Variants in OSBPL3 observed in about 807,000 individuals in gnomAD.
The protein encoded by OSBPL3 is oxysterol binding protein like 3, also known as oxysterol-binding protein-related protein 3.
In OSBPL3, 65 loss-of-function variants were observed where a neutral mutation model predicts 120.1. The ratio of observed to expected loss-of-function variants is 0.54; its 90% CI spans 0.44 to 0.67. The LOEUF is 0.67. Ranked by LOEUF, OSBPL3 falls within the 30% of genes least tolerant of loss-of-function variation. The probability of loss-of-function intolerance (pLI) is 0.00; values close to 1 mark genes in which losing one functional copy is unlikely to be tolerated. For synonymous variants in OSBPL3, 416 were observed against 402.6 expected (o/e 1.03, Z -0.40); for missense variants, 1,004 against 1,082.1 (o/e 0.93, Z 1.01).
intron 1 of OSBPL3, among the ~76,000 whole-genome samples, chr7:24,923,982 A>G (rs1810727342): frequency 6.6e-6 from 1 of 152,240 alleles, no homozygotes; most frequent in African/African-American, 2.4e-5. Flanking sequence ...TTTGACACAT[A>G]TTGTGGATAA....
At position 24,898,924 on chromosome 7, in the gene OSBPL3, C is replaced by T. The variant is rs1806573736; in HGVS notation, c.-149-6303G>A. On this transcript the variant is annotated intron_variant, in intron 1 of 22. Transcript: ENST00000313367. The surrounding 1 kb of genome is among the most constrained non-coding windows in gnomAD (Gnocchi z 4.3). ...TAAAAATCTATTCTAGACAGTTTGT[C>T]ATCATTTAGAGCTGAAATAATGACT... Among the ~76,000 whole-genome samples the T allele has an allele frequency of 6.6e-6, 1 of 152,178 alleles. No homozygotes were observed. Among genetic ancestry groups the T allele is most frequent in the South Asian group, 2.1e-4 (1 of 4,824 alleles).
intron 1 of OSBPL3, among the ~76,000 whole-genome samples, chr7:24,944,325 C>T (rs1406798663): frequency 2.0e-5 from 3 of 152,036 alleles, no homozygotes; most frequent in Non-Finnish European, 4.4e-5. Context: ...GAAGAAACTC[C>T]AAGTGTTAAA....
chr7:24,897,034 T>C (rs1184752552), intron 1 of OSBPL3, among the ~76,000 whole-genome samples: 1 of 144,834 alleles, frequency 6.9e-6, no homozygotes, highest in Non-Finnish European at 1.5e-5. Flanking sequence ...ATTGCACCAC[T>C]GCACTCCAGC....
chr7:24,944,354 C>T (rs1038942988), intron 1 of OSBPL3, among the ~76,000 whole-genome samples: 1 of 151,618 alleles, frequency 6.6e-6, no homozygotes, highest in South Asian at 2.1e-4. Context: ...GGTGGCCGGG[C>T]GCGGTGGCTC....
At position 24,866,134 on chromosome 7, in the gene OSBPL3, AAGT is replaced by A. The variant is rs1801284087; in HGVS notation, c.482_484del (p.His161_Phe162delinsLeu). The A allele has an allele frequency of 1.2e-6, 2 of 1,613,832 alleles. No homozygotes were observed. The highest frequency in any genetic ancestry group is 1.3e-5 in the African/African-American group (1 of 75,040). ...GTCTGTGATGGTGGACCCTGAGAAA[AAGT>A]GGTTAACTTCATGTGGAAACATGGC... On this transcript the variant is annotated inframe_deletion, in exon 6 of 23. Transcript: ENST00000313367.
chr7:24,815,300 A>ATGAC lies in OSBPL3; in HGVS notation c.2028-98_2028-97insGTCA. 1.1e-6 allele frequency: 1 copy of ATGAC among 905,672 alleles called. No homozygotes were observed. Among genetic ancestry groups the ATGAC allele is most frequent in the Non-Finnish European group, 1.7e-6 (1 of 572,458 alleles). The allele number at this position is 905,672 out of a possible 1,614,324, so 56.1% of individuals were successfully genotyped here. ...TTTTATAAAATAAGTCATGCAATGC[A>ATGAC]TTATTCATCTCTTTATTCACAGAAG... On this transcript the variant is annotated intron_variant, in intron 18 of 22. Transcript: ENST00000313367. This position sits in a 1 kb window ranked among gnomAD's most constrained non-coding sequence, Gnocchi z 5.1.
At chr7:24,845,832 G>A (rs1798383628) in intron 12 of OSBPL3, among the ~76,000 whole-genome samples, 1 of 152,250 alleles carries the variant, frequency 6.6e-6, no homozygotes, top group East Asian at 1.9e-4. Context: ...AACATGCAAT[G>A]AGAAGATTTA....
chr7:24,825,489 A>G (rs906474956), intron 16 of OSBPL3, among the ~76,000 whole-genome samples: 2 of 152,242 alleles, frequency 1.3e-5, no homozygotes, highest in African/African-American at 4.8e-5. Flanking sequence ...AAATTAAAAA[A>G]CAAAAACACA....
intron 1 of OSBPL3, among the ~76,000 whole-genome samples, chr7:24,929,215 T>G (rs1286958984): frequency 6.6e-6 from 1 of 152,202 alleles, no homozygotes; most frequent in Non-Finnish European, 1.5e-5. Flanking sequence ...GTAGTTTAAT[T>G]TAGAAGGTCT....
intron 2 of OSBPL3, among the ~76,000 whole-genome samples, chr7:24,888,022 T>C (rs1248744943): frequency 6.6e-6 from 1 of 152,230 alleles, no homozygotes; most frequent in African/African-American, 2.4e-5. Flanking sequence ...AAGCATTTTA[T>C]TAATGTGTAG....
At chr7:24,906,361 G>A in intron 1 of OSBPL3, 1 of 243,820 alleles carries the variant, frequency 4.1e-6, no homozygotes, top group Non-Finnish European at 8.5e-6. Context: ...AGACTTGCGA[G>A]GAGGTGGGAT....
In OSBPL3 at chr7:24,922,895, TCGATGCAGC is replaced by T. The variant is rs1173417976; in HGVS notation, c.-149-30283_-149-30275del. On this transcript the variant is annotated intron_variant, in intron 1 of 22. Coordinates refer to ENST00000313367, the MANE Select transcript of OSBPL3 (RefSeq NM_015550.4). This position sits in a 1 kb window ranked among gnomAD's most constrained non-coding sequence, Gnocchi z 4.3. ...CCAAAGCAAGCTTATTACTTTAGGG[TCGATGCAGC>T]AAACAAACAAAAAAGCAAGTTTGCT... is the stretch of plus-strand genomic sequence containing the variant. Among the ~76,000 whole-genome samples, 14 of 151,878 alleles carry T rather than the reference TCGATGCAGC, an allele frequency of 9.2e-5. No homozygotes were observed. The highest frequency in any genetic ancestry group is 3.1e-4 in the African/African-American group (13 of 41,392).
At position 24,827,155 on chromosome 7, in the gene OSBPL3, T is replaced by C. The variant is rs989971033; in HGVS notation, c.1884+3613A>G. ...ATTATACTAGTCATCCAGAAACCTG[T>C]ACTCATTGTAGAGAGGCACAAGAAA... On this transcript the variant is annotated intron_variant, in intron 16 of 22. Coordinates refer to ENST00000313367, the MANE Select transcript of OSBPL3 (RefSeq NM_015550.4). The surrounding 1 kb of genome is among the most constrained non-coding windows in gnomAD (Gnocchi z 5.1). 1.9e-4 allele frequency among the ~76,000 whole-genome samples: 29 copies of C among 152,236 alleles called. No homozygotes were observed. The highest frequency in any genetic ancestry group is 6.5e-4 in the African/African-American group (27 of 41,458).
chr7:24,923,017 A>G (rs1810586505), intron 1 of OSBPL3, among the ~76,000 whole-genome samples: 1 of 152,240 alleles, frequency 6.6e-6, no homozygotes, highest in African/African-American at 2.4e-5. Flanking sequence ...ACTCTACACT[A>G]TAACCACTAC....
chr7:24,940,423 G>C lies in OSBPL3; in HGVS notation c.-150+39463C>G, dbSNP rs1374766387. On this transcript the variant is annotated intron_variant, in intron 1 of 22. Transcript: ENST00000313367. The surrounding 1 kb of genome is among the most constrained non-coding windows in gnomAD (Gnocchi z 4.4). ...TTGACTATATAGCCCAGGTACACCA[G>C]GGGAGAAGTAAAGAGTGTGGAAGAG... 9.2e-5 allele frequency among the ~76,000 whole-genome samples: 14 copies of C among 152,150 alleles called. No individual in the cohort carries two copies. The highest frequency in any genetic ancestry group is 1.5e-5 in the Non-Finnish European group (1 of 68,028).
intron 10 of OSBPL3, among the ~76,000 whole-genome samples, chr7:24,856,173 A>T (rs953962902): frequency 6.6e-6 from 1 of 152,150 alleles, no homozygotes; most frequent in Non-Finnish European, 1.5e-5. Context: ...GCCATTTCTC[A>T]GATACCCTTC....
intron 7 of OSBPL3, 80 bp downstream of exon 7, chr7:24,865,262 C>T: frequency 6.9e-7 from 1 of 1,457,612 alleles, no homozygotes; most frequent in East Asian, 2.3e-5. Flanking sequence ...GGGAAGGACA[C>T]AAATGAATCT....
In OSBPL3 at chr7:24,818,034, GA is replaced by G. The variant is rs1794680812; in HGVS notation, c.1949-1347del. Among the ~76,000 whole-genome samples the G allele has an allele frequency of 6.6e-6, 1 of 152,200 alleles. No individual in the cohort carries two copies. The highest frequency in any genetic ancestry group is 6.5e-5 in the Admixed American group (1 of 15,282). Reference sequence around the variant, plus strand: ...GGGGAGCCCTGGCTGGGGTCCAGGTGAGAGAGGTGGGTCTGGGACCAGCGAG... The same window carrying G: ...GGGGAGCCCTGGCTGGGGTCCAGGTGGAGAGGTGGGTCTGGGACCAGCGAG... On this transcript the variant is annotated intron_variant, in intron 17 of 22. Transcript: ENST00000313367. This position sits in a 1 kb window ranked among gnomAD's most constrained non-coding sequence, Gnocchi z 4.0.
rs1809624964 is a variant in OSBPL3, at chr7:24,916,914, T to TTCC, written c.-149-24296_-149-24294dup. 1.1e-5 allele frequency among the ~76,000 whole-genome samples: 1 copy of TTCC among 89,362 alleles called. No individual in the cohort carries two copies. The highest frequency in any genetic ancestry group is 2.1e-5 in the Non-Finnish European group (1 of 48,238). 58.6% of individuals were successfully genotyped at this position (89,362 alleles called of 152,430 possible). A position where few individuals can be genotyped will look rare whatever the true frequency, so the allele number is the denominator to read the frequency against. ...TGGCAGCCACTAAGACGTCTTCCAT[T>TTCC]TCCACCCCCCCCAACCTTTTTAGAA... On this transcript the variant is annotated intron_variant, in intron 1 of 22. Transcript: ENST00000313367. The surrounding 1 kb of genome is among the most constrained non-coding windows in gnomAD (Gnocchi z 4.9).
Sources: gnomAD v4.1 joint callset for allele counts (sites outside exome capture counted in the v4.1 genomes callset) on GRCh38, gnomAD v4.1.1 for gene constraint, Gnocchi (gnomAD v3.1) non-coding constraint, MANE v1.5 for transcripts, NCBI Gene and HGNC (gene_info 2026-07-23, HGNC 2026-07-21) for gene names.